Variants in SLC38A7 observed in about 807,000 individuals in gnomAD.
SLC38A7 encodes sodium-coupled neutral amino acid transporter 7.
A neutral mutation model predicts 50.1 loss-of-function variants in SLC38A7; 29 were observed. The ratio of observed to expected loss-of-function variants is 0.58; its 90% CI spans 0.43 to 0.79. The LOEUF is 0.79. Ranked by LOEUF, SLC38A7 falls within the 30% of genes least tolerant of loss-of-function variation. The pLI is 0.00. For missense variants in SLC38A7, 483 were observed against 610.6 expected (o/e 0.79, Z 2.20); for synonymous variants, 244 against 245.9 (o/e 0.99, Z 0.07).
intron 10 of SLC38A7, 57 bp downstream of exon 10, chr16:58,670,988 G>T: frequency 6.5e-7 from 1 of 1,540,170 alleles, no homozygotes; most frequent in Non-Finnish European, 8.8e-7. Flanking sequence ...CTGAGGCTAG[G>T]CAGGCCCTGG....
rs922559019 is a variant in SLC38A7 at position 58,683,986 on chromosome 16, G to C, written c.-147C>G. 6.6e-6 allele frequency: 1 copy of C among 152,384 alleles called. No homozygotes were observed. The highest frequency in any genetic ancestry group is 1.5e-5 in the Non-Finnish European group (1 of 68,172). The allele number at this position is 152,384 out of a possible 1,614,324, so 9.4% of individuals were successfully genotyped here. On this transcript the variant is annotated 5_prime_UTR_variant, in exon 2 of 12. Coordinates refer to ENST00000219320, the MANE Select transcript of SLC38A7 (RefSeq NM_018231.3). ...TTTCTCCCTGATGGGCTGTGCCAGA[G>C]GCGGTTGCTCCTTCTCCCCAAAGGT... is the stretch of plus-strand genomic sequence containing the variant.
In SLC38A7 at chr16:58,667,410, G is replaced by A; in HGVS notation, c.1364C>T (p.Ala455Val). ...TTATGCCAAGAGATCCACAAAGATG[G>A]CGTTGGCTGTGGTCTGGCCGAAGAT... ...AFIFGQTTAN[A>V]IFVDLLA Residue 455 changes from alanine (A) to valine (V), a missense_variant, in exon 12 of 12, where the codon GCC (alanine) becomes GTC (valine). Coordinates refer to ENST00000219320, the MANE Select transcript of SLC38A7 (RefSeq NM_018231.3). 2 of 1,614,098 alleles carry A rather than the reference G, an allele frequency of 1.2e-6. No homozygotes were observed. The highest frequency in any genetic ancestry group is 4.5e-5 in the East Asian group (2 of 44,888).
chr16:58,678,749 G>A lies in SLC38A7; in HGVS notation c.416C>T (p.Thr139Ile), dbSNP rs1286534719. The A allele has an allele frequency of 3.7e-6, 6 of 1,614,208 alleles. No homozygotes were observed. The highest frequency in any genetic ancestry group is 5.1e-6 in the Non-Finnish European group (6 of 1,180,026). ...VLCEVAIAVY[T>I]FGTCIAFLII... Reference sequence around the variant, plus strand: ...TAGGAAGGCAATGCAGGTGCCAAAGGTGTAGACAGCGATGGCCACCTCACA... The same window carrying A: ...TAGGAAGGCAATGCAGGTGCCAAAGATGTAGACAGCGATGGCCACCTCACA... Residue 139 changes from threonine to isoleucine, a missense_variant, in exon 4 of 12, where the codon ACC becomes ATC. Transcript: ENST00000219320. The surrounding 1 kb of genome is among the most constrained non-coding windows in gnomAD (Gnocchi z 4.0).
At chr16:58,681,132 C>T (rs1234549186) in intron 2 of SLC38A7, among the ~76,000 whole-genome samples, 1 of 152,202 alleles carries the variant, frequency 6.6e-6, no homozygotes, top group East Asian at 1.9e-4. Context: ...ATTGCTGCAG[C>T]TATGGAATGC....
rs2044057585 is a variant in SLC38A7, at chr16:58,667,308, A to G, written c.*77T>C. On this transcript the variant is annotated 3_prime_UTR_variant, in exon 12 of 12. Coordinates refer to ENST00000219320, the MANE Select transcript of SLC38A7 (RefSeq NM_018231.3). ...CCACCAGTTGGAATGATCGTGGACT[A>G]AGAATGGCCCCATAGCTCTAAGAGA... is the stretch of plus-strand genomic sequence containing the variant. 1 of 1,439,274 alleles carries G rather than the reference A, an allele frequency of 6.9e-7. No homozygotes were observed. Among genetic ancestry groups the G allele is most frequent in the Non-Finnish European group, 9.8e-7 (1 of 1,024,616 alleles). The allele number at this position is 1,439,274 out of a possible 1,614,324, so 89.2% of individuals were successfully genotyped here.
rs746339849 is a variant in SLC38A7, at chr16:58,672,113, G to T, written c.1014C>A (p.Ile338=). Residue 338 remains isoleucine (I), a synonymous_variant, in exon 9 of 12, where the codon ATC becomes ATA. Coordinates refer to ENST00000219320, the MANE Select transcript of SLC38A7 (RefSeq NM_018231.3). ...IILSVLTSYP[I]LHFCGRAVVE... ...GGGCTCACCGCCCACAGAAGTGCAGGATAGGGTAGGAGGTGAGCACGCTCA... is the reference window on the plus strand; with the variant it reads ...GGGCTCACCGCCCACAGAAGTGCAGTATAGGGTAGGAGGTGAGCACGCTCA... 5.1e-6 allele frequency: 8 copies of T among 1,558,652 alleles called. No homozygotes were observed. The East Asian group carries it at 1.7e-4, about 33-fold the overall frequency.
Position 58,677,373 on chromosome 16 carries a change from C to T in SLC38A7, c.663G>A (p.Lys221=). Residue 221 remains lysine (K), a synonymous_variant, in exon 6 of 12, where the codon AAG becomes AAA. Coordinates refer to ENST00000219320, the MANE Select transcript of SLC38A7 (RefSeq NM_018231.3). ...TCATCTCTTTATCTGGCCAGATGTA[C>T]TTGATGATAACGATGGCTGTGACGT... ...TWYVTAIVII[K]YIWPDKEMTP... 6.2e-7 allele frequency: 1 copy of T among 1,613,760 alleles called. No individual in the cohort carries two copies. The highest frequency in any genetic ancestry group is 8.5e-7 in the Non-Finnish European group (1 of 1,179,940).
At chr16:58,683,421 C>T (rs2044433227) in intron 2 of SLC38A7, among the ~76,000 whole-genome samples, 1 of 152,182 alleles carries the variant, frequency 6.6e-6, no homozygotes, top group African/African-American at 2.4e-5. Flanking sequence ...CATCTGTTAT[C>T]AAGCATGGAA....
intron 8 of SLC38A7, chr16:58,675,133 C>T (rs1421447700): frequency 4.7e-6 from 1 of 214,000 alleles, no homozygotes; most frequent in African/African-American, 2.4e-5. Flanking sequence ...TCTTCTGGCT[C>T]TTTCTCATCA....
intron 2 of SLC38A7, among the ~76,000 whole-genome samples, chr16:58,682,872 C>T (rs12923842): frequency 0.15 from 23,281 of 151,818 alleles, 1,949 homozygotes; most frequent in Middle Eastern, 0.22. Flanking sequence ...CCTTGTGATC[C>T]CCCTTGGCCT....
In SLC38A7 at chr16:58,680,059, G is replaced by A; in HGVS notation, c.68C>T (p.Ala23Val). ...WDLSTDAGER[A>V]RLLQSPCVDT... The stretch of plus-strand genomic sequence containing the variant: ...CACACAGGGACTCTGCAGCAGCCGA[G>A]CCCGCTCCCCGGCATCCGTGCTCAA... The change falls in exon 3 of 12, where the codon GCT becomes GTT. Residue 23 changes from alanine (A) to valine (V), a missense_variant. Ala to Val is a moderately conservative substitution (Grantham distance 64). Coordinates refer to ENST00000219320, the MANE Select transcript of SLC38A7 (RefSeq NM_018231.3). The A allele has an allele frequency of 6.3e-7, 1 of 1,584,990 alleles. No individual in the cohort carries two copies.
At chr16:58,668,032 T>A (rs963547746) in intron 11 of SLC38A7, among the ~76,000 whole-genome samples, 1 of 150,980 alleles carries the variant, frequency 6.6e-6, no homozygotes, top group Non-Finnish European at 1.5e-5. Flanking sequence ...CTGGGTGCAG[T>A]GGCTCATGTC....
intron 11 of SLC38A7, 81 bp downstream of exon 11, chr16:58,670,032 C>T (rs1488066197): frequency 8.8e-6 from 11 of 1,250,064 alleles, no homozygotes; most frequent in Non-Finnish European, 1.3e-5. Flanking sequence ...CCTCTGACTC[C>T]TATCTGTTTT....
Position 58,672,390 on chromosome 16 carries a change from G to A in SLC38A7, c.884-147C>T, listed in dbSNP as rs146362542. ...GGCTCAGAGTGGGAGATGGGGCTCC[G>A]ATCAGATGCCTCCCTCCCTGACTTC... On this transcript the variant is annotated intron_variant, in intron 8 of 11. Transcript: ENST00000219320. 1,936 of 836,852 alleles carry A rather than the reference G, an allele frequency of 2.3e-3. 4 individuals carry two copies. The highest frequency in any genetic ancestry group is 3.1e-3 in the Non-Finnish European group (1,700 of 547,048). The allele number at this position is 836,852 out of a possible 1,614,324, so 51.8% of individuals were successfully genotyped here.
chr16:58,677,279 C>A (rs757674761), intron 6 of SLC38A7, 47 bp downstream of exon 6: 9 of 1,550,434 alleles, frequency 5.8e-6, no homozygotes, highest in Non-Finnish European at 7.1e-6. Context: ...CTGCTGGGGC[C>A]CAAGTGGTGG....
chr16:58,669,670 TAAA>T (rs146027322), intron 11 of SLC38A7, among the ~76,000 whole-genome samples: 2,469 of 147,776 alleles, frequency 0.017, 57 homozygotes, highest in African/African-American at 0.058. Context: ...TTAAAAGTAT[TAAA>T]AAAAAAACAA....
chr16:58,677,292 T>C (rs1260675564), intron 6 of SLC38A7, 34 bp downstream of exon 6: 2 of 1,594,716 alleles, frequency 1.3e-6, no homozygotes, highest in Admixed American at 3.3e-5. Flanking sequence ...AGTGGTGGCT[T>C]CTTCCCCATG....
At chr16:58,673,367 C>T (rs1193490420) in intron 8 of SLC38A7, among the ~76,000 whole-genome samples, 2 of 151,838 alleles carry the variant, frequency 1.3e-5, no homozygotes, top group East Asian at 3.9e-4. Flanking sequence ...TCCCGAGTAG[C>T]TGGGATTACA....
chr16:58,676,576 C>T (rs1393554921), intron 6 of SLC38A7, among the ~76,000 whole-genome samples: 1 of 152,232 alleles, frequency 6.6e-6, no homozygotes, highest in Non-Finnish European at 1.5e-5. Context: ...ATCCAGAATT[C>T]CTGGCTCCTG....
Sources: gnomAD v4.1 joint callset for allele counts (sites outside exome capture counted in the v4.1 genomes callset) on GRCh38, gnomAD v4.1.1 for gene constraint, Gnocchi (gnomAD v3.1) non-coding constraint, MANE v1.5 for transcripts, NCBI Gene and HGNC (gene_info 2026-07-23, HGNC 2026-07-21) for gene names.